ROBO1: variants seen among roughly 807,000 people sequenced by gnomAD.
ROBO1 encodes the protein roundabout homolog 1.
Under a neutral mutation model 195.9 loss-of-function variants are expected in ROBO1, and 149 were observed. The ratio of observed to expected loss-of-function variants is 0.76; its 90% CI spans 0.67 to 0.87. The LOEUF (loss-of-function observed/expected upper bound fraction) is 0.87, where lower values mean the gene tolerates loss of function less well. Among genes scored for constraint, ROBO1 ranks in the 40% least tolerant of loss-of-function variants. The pLI is 0.00. For missense variants in ROBO1, 1,933 were observed against 2,068.3 expected (o/e 0.93, Z 1.27); for synonymous variants, 816 against 733.2 (o/e 1.11, Z -1.82).
intron 3 of ROBO1, among the ~76,000 whole-genome samples, chr3:78,944,203 G>C (rs1008825410): frequency 6.6e-6 from 1 of 152,152 alleles, no homozygotes; most frequent in African/African-American, 2.4e-5. Flanking sequence ...CAAAGTCCTT[G>C]CTCTTTCCAA....
intron 4 of ROBO1, among the ~76,000 whole-genome samples, chr3:78,931,931 T>C (rs550605226): frequency 1.2e-4 from 19 of 152,222 alleles, no homozygotes; most frequent in Non-Finnish European, 2.5e-4. Context: ...AGGGTGACTG[T>C]GCCACTGCAC....
Position 78,668,162 on chromosome 3 carries a change from G to A in ROBO1, c.1771C>T (p.Pro591Ser). ...WQPNLNSGAT[P>S]TSYIIEAFSH... is the part of the protein sequence containing the mutation. ...AAGGCTTCTATAATATAAGATGTTG[G>A]AGTTGCTCCTGAATTCAAATTTGGT... Residue 591 changes from proline to serine, a missense_variant, in exon 13 of 31, where the codon CCA becomes TCA. Physicochemically the swap from Pro to Ser is moderately conservative, Grantham distance 74. Coordinates refer to ENST00000464233, the MANE Select transcript of ROBO1 (RefSeq NM_002941.4). 1 of 1,613,754 alleles carries A rather than the reference G, an allele frequency of 6.2e-7. No individual in the cohort carries two copies. The highest frequency in any genetic ancestry group is 1.1e-5 in the South Asian group (1 of 91,060).
chr3:79,687,111 T>C (rs1576231121), intron 1 of ROBO1, among the ~76,000 whole-genome samples: 1 of 152,020 alleles, frequency 6.6e-6, no homozygotes, highest in Admixed American at 6.6e-5. Context: ...AAACAAGAAA[T>C]GGGGAAATGA....
chr3:79,005,241 T>C (rs2077593610), intron 3 of ROBO1, among the ~76,000 whole-genome samples: 1 of 152,186 alleles, frequency 6.6e-6, no homozygotes, highest in Non-Finnish European at 1.5e-5. Context: ...TGCCTTGACC[T>C]TCTCCCACTC....
At chr3:79,017,253 TC>T (rs1362739704) in intron 3 of ROBO1, among the ~76,000 whole-genome samples, 1 of 152,060 alleles carries the variant, frequency 6.6e-6, no homozygotes, top group Non-Finnish European at 1.5e-5. Context: ...GTGGTTTTTT[TC>T]CCCCCTTTTC....
intron 3 of ROBO1, among the ~76,000 whole-genome samples, chr3:78,957,273 T>C (rs2041095658): frequency 6.7e-6 from 1 of 149,972 alleles, no homozygotes; most frequent in African/African-American, 2.5e-5. Context: ...GCACCAGGTC[T>C]GCACTAGATG....
chr3:78,793,422 T>C (rs891011105), intron 4 of ROBO1, among the ~76,000 whole-genome samples: 8 of 152,202 alleles, frequency 5.3e-5, no homozygotes, highest in African/African-American at 1.9e-4. Flanking sequence ...TGATAAACAC[T>C]TTTAATTGGA....
At chr3:79,462,709 T>G (rs1937716797) in intron 2 of ROBO1, among the ~76,000 whole-genome samples, 1 of 152,076 alleles carries the variant, frequency 6.6e-6, no homozygotes, top group South Asian at 2.1e-4. Flanking sequence ...CTTTGAAGTT[T>G]GCTGGCAGTG....
intron 2 of ROBO1, among the ~76,000 whole-genome samples, chr3:79,149,671 T>C (rs1576739937): frequency 6.6e-6 from 1 of 151,752 alleles, no homozygotes; most frequent in Non-Finnish European, 1.5e-5. Flanking sequence ...TATACTCCTA[T>C]AATTAGGTTT....
At chr3:79,144,490 C>A (rs114369629) in intron 2 of ROBO1, among the ~76,000 whole-genome samples, 173 of 151,808 alleles carry the variant, frequency 1.1e-3, no homozygotes, top group African/African-American at 4.0e-3. Flanking sequence ...CTAAATCTTT[C>A]TTTTCTTCCT....
intron 1 of ROBO1, among the ~76,000 whole-genome samples, chr3:79,681,037 C>T (rs890854902): frequency 4.6e-5 from 7 of 152,016 alleles, no homozygotes; most frequent in East Asian, 1.9e-4. Context: ...ATCAAGAGAA[C>T]GGTGTATTAG....
rs13325783 is a variant in ROBO1, at chr3:78,955,128, T to C, written c.173-16201A>G. Among the ~76,000 whole-genome samples the C allele has an allele frequency of 5.3e-3, 608 of 115,286 alleles. 7 individuals are homozygous for C. Among genetic ancestry groups the C allele is most frequent in the African/African-American group, 0.023 (494 of 21,810 alleles). 75.6% of individuals were successfully genotyped at this position (115,286 alleles called of 152,430 possible). On this transcript the variant is annotated intron_variant, in intron 3 of 30. Transcript: ENST00000464233. ...GTCATGGGGTTATATAGGTAAACTG[T>C]GTGTCATGGAGTTATATAGGTAAAT...
At chr3:79,594,488 G>A (rs1005631012) in intron 1 of ROBO1, among the ~76,000 whole-genome samples, 12 of 151,938 alleles carry the variant, frequency 7.9e-5, no homozygotes, top group African/African-American at 2.9e-4. Flanking sequence ...TTACCAAATT[G>A]TTTAGGGTAA....
intron 1 of ROBO1, among the ~76,000 whole-genome samples, chr3:79,620,525 T>A (rs1039867578): frequency 3.1e-5 from 3 of 97,014 alleles, no homozygotes; most frequent in Admixed American, 2.7e-4. Context: ...GACAACATTC[T>A]TTTATACTCT....
chr3:79,036,804 A>T (rs950377785), intron 3 of ROBO1, among the ~76,000 whole-genome samples: 4 of 152,172 alleles, frequency 2.6e-5, no homozygotes, highest in Non-Finnish European at 5.9e-5. Flanking sequence ...TATGGCTCAC[A>T]TTACACTATG....
chr3:79,537,257 G>C lies in ROBO1; in HGVS notation c.88+52567C>G, dbSNP rs1460237908. On this transcript the variant is annotated intron_variant, in intron 2 of 30. Coordinates refer to ENST00000464233, the MANE Select transcript of ROBO1 (RefSeq NM_002941.4). ...AGGGGAAGAAGGTTGTCTTGGGTTA[G>C]ATTCCTCCAAAAACAGATCCTGAGC... Among the ~76,000 whole-genome samples, 6 of 152,020 alleles carry C rather than the reference G, an allele frequency of 3.9e-5. No individual in the cohort carries two copies. In the East Asian group the frequency reaches 1.2e-3, roughly 29 times the overall value.
intron 2 of ROBO1, among the ~76,000 whole-genome samples, chr3:79,533,505 C>T (rs1453467675): frequency 6.6e-6 from 1 of 152,030 alleles, no homozygotes; most frequent in East Asian, 1.9e-4. Flanking sequence ...ATTCTAATGA[C>T]TTCCTTTTAT....
chr3:78,661,289 T>C, intron 15 of ROBO1, 28 bp from the exon 16 acceptor site: 1 of 1,292,518 alleles, frequency 7.7e-7, no homozygotes. Context: ...AAAATGTAAT[T>C]ATTCATATTA....
chr3:78,620,017 CAA>C (rs11314248), intron 26 of ROBO1, among the ~76,000 whole-genome samples: 9,830 of 107,726 alleles, frequency 0.091, 478 homozygotes, highest in African/African-American at 0.17. Flanking sequence ...GACTCTGTCT[CAA>C]AAAAAAAAAA....
Sources: gnomAD v4.1 joint callset for allele counts (sites outside exome capture counted in the v4.1 genomes callset) on GRCh38, gnomAD v4.1.1 for gene constraint, MANE v1.5 for transcripts, NCBI Gene and HGNC (gene_info 2026-07-23, HGNC 2026-07-21) for gene names.